The following PSMC3 variants were observed in gnomAD, a reference collection of about 807,000 sequenced individuals.
PSMC3 encodes 26S proteasome regulatory subunit 6A.
Under a neutral mutation model 52.0 loss-of-function variants are expected in PSMC3, and 11 were observed. That is an observed-to-expected ratio of 0.21 (90% CI 0.13 to 0.35). The LOEUF is 0.35. Among genes scored for constraint, PSMC3 ranks in the 10% least tolerant of loss-of-function variants. The pLI is 1.00. For missense variants in PSMC3, 238 were observed against 567.1 expected (o/e 0.42, Z 5.89); for synonymous variants, 201 against 218.8 (o/e 0.92, Z 0.72).
At chr11:47,419,727 C>A (rs545513814) in intron 10 of PSMC3, among the ~76,000 whole-genome samples, 2 of 152,032 alleles carry the variant, frequency 1.3e-5, no homozygotes, top group Admixed American at 1.3e-4. Flanking sequence ...GGCGTGGTGG[C>A]GGGCGCCTGT....
chr11:47,424,229 C>G lies in PSMC3; in HGVS notation c.454-46G>C. The G allele has an allele frequency of 6.2e-7, 1 of 1,613,710 alleles. No homozygotes were observed. Among genetic ancestry groups the G allele is most frequent in the Non-Finnish European group, 8.5e-7 (1 of 1,179,626 alleles). ...CTTCAGATTTGGCCCAGCTCAAGGG[C>G]TACCCAACTGACTGGGTGACAGGTG... On this transcript the variant is annotated intron_variant, in intron 5 of 11. Transcript: ENST00000298852. The surrounding 1 kb of genome is among the most constrained non-coding windows in gnomAD (Gnocchi z 4.8).
At position 47,420,618 on chromosome 11, in the gene PSMC3, T is replaced by A. The variant is rs376725199; in HGVS notation, c.981+13A>T. On this transcript the variant is annotated intron_variant, in intron 9 of 11. Transcript: ENST00000298852. The stretch of plus-strand genomic sequence containing the variant: ...GAGCCTCATCATCTTTGCCTGGGAG[T>A]GCTAATACTCACCTTAACTTGGGTG... 1 of 1,550,192 alleles carries A rather than the reference T, an allele frequency of 6.5e-7. No homozygotes were observed. Among genetic ancestry groups the A allele is most frequent in the African/African-American group, 1.4e-5 (1 of 73,070 alleles).
At chr11:47,420,855 C>G in intron 8 of PSMC3, 128 bp from the exon 9 acceptor site, 2 of 725,244 alleles carry the variant, frequency 2.8e-6, no homozygotes, top group East Asian at 2.7e-5. Flanking sequence ...CTTGGGGCCC[C>G]CAGCCCAGGG....
chr11:47,419,854 G>A (rs1189433050), intron 10 of PSMC3, among the ~76,000 whole-genome samples: 2 of 150,072 alleles, frequency 1.3e-5, no homozygotes, highest in Non-Finnish European at 3.0e-5. Context: ...GCGAGACACT[G>A]TCTCCAAAAA....
Position 47,422,098 on chromosome 11 carries a change from A to C in PSMC3, c.884+476T>G, listed in dbSNP as rs1369788458. Among the ~76,000 whole-genome samples the C allele has an allele frequency of 6.7e-6, 1 of 150,108 alleles. No individual in the cohort carries two copies. Among genetic ancestry groups the C allele is most frequent in the Non-Finnish European group, 1.5e-5 (1 of 67,636 alleles). ...TCACTCTTTCACCAGGCTGGAGTGC[A>C]GTGGCGCAATCTTGGCTCACTCCAA... On this transcript the variant is annotated intron_variant, in intron 8 of 11. Coordinates refer to ENST00000298852, the MANE Select transcript of PSMC3 (RefSeq NM_002804.5). This position sits in a 1 kb window ranked among gnomAD's most constrained non-coding sequence, Gnocchi z 4.3.
At position 47,418,953 on chromosome 11, in the gene PSMC3, C is replaced by T. The variant is rs1400080516; in HGVS notation, c.1210-8G>A. The stretch of plus-strand genomic sequence containing the variant: ...GCGCAGTGCGATCATGCCCTACAGC[C>T]GGGACAAACAGAGTCTAGGTCTGAA... On this transcript the variant is annotated splice_region_variant and splice_polypyrimidine_tract_variant and intron_variant, in intron 11 of 11. Transcript: ENST00000298852. The T allele has an allele frequency of 1.9e-6, 3 of 1,613,840 alleles. No individual in the cohort carries two copies. The highest frequency in any genetic ancestry group is 2.2e-5 in the East Asian group (1 of 44,880).
chr11:47,426,420 T>A lies in PSMC3; in HGVS notation c.-141A>T. 3 of 687,768 alleles carry A rather than the reference T, an allele frequency of 4.4e-6. No homozygotes were observed. The highest frequency in any genetic ancestry group is 6.7e-6 in the Non-Finnish European group (3 of 444,936). 42.6% of individuals were successfully genotyped at this position (687,768 alleles called of 1,614,324 possible). The stretch of plus-strand genomic sequence containing the variant: ...CTCTTGACCCGACCAGCTCCGGCCG[T>A]GCTGCGGAGCAGCGAATCTGCCTCT... On this transcript the variant is annotated 5_prime_UTR_variant, in exon 1 of 12. Transcript: ENST00000298852.
chr11:47,420,501 C>A, intron 9 of PSMC3, 92 bp from the exon 10 acceptor site: 1 of 1,532,938 alleles, frequency 6.5e-7, no homozygotes, highest in Non-Finnish European at 8.9e-7. Context: ...CCCCAGAGTG[C>A]AGGTGAGACA....
At chr11:47,423,077 A>C in intron 6 of PSMC3, 104 bp from the exon 7 acceptor site, 2 of 1,209,642 alleles carry the variant, frequency 1.7e-6, no homozygotes, top group Non-Finnish European at 2.3e-6. Flanking sequence ...ACTCTAACTC[A>C]GGGACACGCC....
chr11:47,419,955 C>T (rs1384733356), intron 10 of PSMC3, among the ~76,000 whole-genome samples: 1 of 152,110 alleles, frequency 6.6e-6, no homozygotes, highest in African/African-American at 2.4e-5. Flanking sequence ...TGGTCCCGGC[C>T]ATTCCTGGCG....
rs750483664 is a variant in PSMC3, at chr11:47,420,729, TA to T, written c.885-3del. 7 of 1,556,092 alleles carry T rather than the reference TA, an allele frequency of 4.5e-6. No homozygotes were observed. The South Asian group carries it at 8.3e-5, about 18-fold the overall frequency. On this transcript the variant is annotated splice_region_variant and splice_polypyrimidine_tract_variant and intron_variant, in intron 8 of 11. Transcript: ENST00000298852. ...TCCCCAGCCTTCTCACTGTCAAAGCTAGGGCACAGGAAGCCCGAGATGCTGG... is the reference window on the plus strand; with the variant it reads ...TCCCCAGCCTTCTCACTGTCAAAGCTGGGCACAGGAAGCCCGAGATGCTGG...
Position 47,420,401 on chromosome 11 carries a change from T to G in PSMC3, c.990A>C (p.Ala330=). 1 of 1,611,816 alleles carries G rather than the reference T, an allele frequency of 6.2e-7. No homozygotes were observed. The highest frequency in any genetic ancestry group is 1.3e-5 in the African/African-American group (1 of 75,002). Residue 330 remains alanine, a synonymous_variant, in exon 10 of 12, where the codon GCA becomes GCC. Coordinates refer to ENST00000298852, the MANE Select transcript of PSMC3 (RefSeq NM_002804.5). ...FQPNTQVKVI[A]ATNRVDILDP... ...CCAGGATGTCCACCCTGTTTGTGGC[T>G]GCAATTACCTGAGGAAGAGAAGCCA...
In PSMC3 at chr11:47,424,002, T is replaced by TA; in HGVS notation, c.591+43dup. Reference sequence around the variant, plus strand: ...AGCTGCATCAATGGCGTGGAGAAACTAAAAGGCTGACAAGGCTGCTGGCAG... The same window carrying TA: ...AGCTGCATCAATGGCGTGGAGAAACTAAAAAGGCTGACAAGGCTGCTGGCAG... On this transcript the variant is annotated intron_variant, in intron 6 of 11. Transcript: ENST00000298852. This position sits in a 1 kb window ranked among gnomAD's most constrained non-coding sequence, Gnocchi z 4.8. 6.2e-7 allele frequency: 1 copy of TA among 1,613,750 alleles called. No homozygotes were observed. Among genetic ancestry groups the TA allele is most frequent in the Non-Finnish European group, 8.5e-7 (1 of 1,179,780 alleles).
rs1223733612 is a variant in PSMC3 at position 47,426,380 on chromosome 11, C to T, written c.-101G>A. The T allele has an allele frequency of 2.8e-6, 3 of 1,072,788 alleles. No individual in the cohort carries two copies. Among genetic ancestry groups the T allele is most frequent in the Admixed American group, 5.5e-5 (2 of 36,098 alleles). The allele number at this position is 1,072,788 out of a possible 1,614,324, so 66.5% of individuals were successfully genotyped here. On this transcript the variant is annotated 5_prime_UTR_variant, in exon 1 of 12. Coordinates refer to ENST00000298852, the MANE Select transcript of PSMC3 (RefSeq NM_002804.5). ...TTCTCTTGACCAGTGGAAAACCTCTCCCCACAAATCCCGACTCTTGACCCG... is the reference window on the plus strand; with the variant it reads ...TTCTCTTGACCAGTGGAAAACCTCTTCCCACAAATCCCGACTCTTGACCCG...
At position 47,424,127 on chromosome 11, in the gene PSMC3, C is replaced by T. The variant is rs746883342; in HGVS notation, c.510G>A (p.Ser170=). The T allele has an allele frequency of 1.9e-5, 31 of 1,614,048 alleles. No homozygotes were observed. The highest frequency in any genetic ancestry group is 2.4e-5 in the Non-Finnish European group (28 of 1,180,048). Reference sequence around the variant, plus strand: ...CGTCTACCTCCATGGCCTTCACCCGCGAGTCATACTCTGTGGGCAGCGTCT... The same window carrying T: ...CGTCTACCTCCATGGCCTTCACCCGTGAGTCATACTCTGTGGGCAGCGTCT... ...ILETLPTEYD[S]RVKAMEVDER... is the part of the protein sequence containing the mutation. Residue 170 remains serine, a synonymous_variant, in exon 6 of 12, where the codon TCG becomes TCA. Coordinates refer to ENST00000298852, the MANE Select transcript of PSMC3 (RefSeq NM_002804.5). The surrounding 1 kb of genome is among the most constrained non-coding windows in gnomAD (Gnocchi z 4.8).
At chr11:47,419,029 C>A (rs567444719) in intron 11 of PSMC3, 84 bp from the exon 12 acceptor site, 9 of 1,606,170 alleles carry the variant, frequency 5.6e-6, no homozygotes, top group African/African-American at 1.3e-5. Flanking sequence ...TTCCCTCAGC[C>A]GTCTCCACCA....
At chr11:47,419,248 G>C in intron 10 of PSMC3, 51 bp from the exon 11 acceptor site, 1 of 1,594,108 alleles carries the variant, frequency 6.3e-7, no homozygotes. Context: ...GGAATGGGCA[G>C]AGGGGCCAAA....
chr11:47,426,120 GA>G, intron 1 of PSMC3, 84 bp downstream of exon 1: 1 of 1,482,824 alleles, frequency 6.7e-7, no homozygotes, highest in Non-Finnish European at 9.2e-7. Context: ...GCCAGACCTT[GA>G]CCCCCAGCCA....
chr11:47,423,886 C>T (rs2096043555), intron 6 of PSMC3, among the ~76,000 whole-genome samples, 160 bp downstream of exon 6: 2 of 152,110 alleles, frequency 1.3e-5, no homozygotes, highest in Non-Finnish European at 2.9e-5. Context: ...GGCATTTAAA[C>T]TCTCTGGGCT....
Sources: allele counts gnomAD v4.1 joint callset (sites outside exome capture counted in the v4.1 genomes callset), GRCh38; gene constraint gnomAD v4.1.1; non-coding constraint Gnocchi (gnomAD v3.1); transcripts MANE v1.5; gene names NCBI Gene and HGNC (gene_info 2026-07-23, HGNC 2026-07-21).